The following CYB5R4 variants were observed in gnomAD, a reference collection of about 807,000 sequenced individuals.
CYB5R4 encodes the protein N-terminal cytochrome b5 and cytochrome b5 oxidoreductase domain-containing protein.
A neutral mutation model predicts 70.2 loss-of-function variants in CYB5R4; 55 were observed. The observed-to-expected ratio is 0.78, with a 90% CI of 0.63 to 0.98. The LOEUF (loss-of-function observed/expected upper bound fraction) is 0.98, where lower values mean the gene tolerates loss of function less well. Ranked by LOEUF, CYB5R4 falls within the 50% of genes least tolerant of loss-of-function variation. The pLI, the probability that CYB5R4 is intolerant of heterozygous loss-of-function variation, is 0.00. For missense variants in CYB5R4, 562 were observed against 612.6 expected, an observed-to-expected ratio of 0.92 and a Z score of 0.87; for synonymous variants, 197 against 199.5, an observed-to-expected ratio of 0.99 and a Z score of 0.11.
At chr6:83,955,247 A>C in intron 14 of CYB5R4, 51 bp from the exon 15 acceptor site, 4 of 1,394,548 alleles carry the variant, frequency 2.9e-6, no homozygotes, top group African/African-American at 1.5e-5. Flanking sequence ...AAACATGTTA[A>C]TAATATGTTT....
intron 3 of CYB5R4, among the ~76,000 whole-genome samples, chr6:83,895,874 G>C (rs2099461809): frequency 6.6e-6 from 1 of 152,144 alleles, no homozygotes; most frequent in African/African-American, 2.4e-5. Flanking sequence ...TTCAATATGA[G>C]AATTTACTTG....
At chr6:83,860,730 C>T (rs2099455800) in intron 1 of CYB5R4, among the ~76,000 whole-genome samples, 2 of 152,168 alleles carry the variant, frequency 1.3e-5, no homozygotes, top group Non-Finnish European at 1.5e-5. Flanking sequence ...TTTTTCTCCA[C>T]TTAGACCTGG....
chr6:83,922,616 TCTC>T (rs2099466568), intron 9 of CYB5R4, 146 bp downstream of exon 9: 1 of 606,224 alleles, frequency 1.6e-6, no homozygotes, highest in South Asian at 2.2e-5. Context: ...TGTGATGTTT[TCTC>T]TTTTTTTTTT....
intron 5 of CYB5R4, among the ~76,000 whole-genome samples, chr6:83,917,732 C>T (rs2099465729): frequency 6.6e-6 from 1 of 152,074 alleles, no homozygotes; most frequent in African/African-American, 2.4e-5. Flanking sequence ...CAGGCAAATA[C>T]TAACCATGGT....
At chr6:83,899,314 C>T (rs1271802170) in intron 3 of CYB5R4, among the ~76,000 whole-genome samples, 6 of 152,138 alleles carry the variant, frequency 3.9e-5, no homozygotes, top group Admixed American at 6.5e-5. Flanking sequence ...AGGGATGAAG[C>T]CGACTTGATC....
chr6:83,911,212 T>A (rs2099464626), intron 4 of CYB5R4, among the ~76,000 whole-genome samples: 1 of 151,824 alleles, frequency 6.6e-6, no homozygotes, highest in African/African-American at 2.4e-5. Flanking sequence ...TGAGACTAGC[T>A]TGGGCAATAT....
chr6:83,898,572 G>A (rs866207745), intron 3 of CYB5R4, among the ~76,000 whole-genome samples: 20 of 152,198 alleles, frequency 1.3e-4, no homozygotes, highest in East Asian at 3.9e-4. Flanking sequence ...CCATTTTCAC[G>A]ATATTGATTC....
chr6:83,949,982 A>G (rs760367955), intron 14 of CYB5R4, among the ~76,000 whole-genome samples: 1 of 152,152 alleles, frequency 6.6e-6, no homozygotes, highest in Non-Finnish European at 1.5e-5. Context: ...TGTAACATCT[A>G]TTATGTACCT....
intron 4 of CYB5R4, among the ~76,000 whole-genome samples, chr6:83,913,659 C>T (rs1318650741): frequency 6.6e-5 from 10 of 152,056 alleles, no homozygotes; most frequent in Non-Finnish European, 1.5e-4. Context: ...ATTTTAAATA[C>T]GTTAGTTTCT....
At chr6:83,913,167 A>G (rs1158290797) in intron 4 of CYB5R4, among the ~76,000 whole-genome samples, 2 of 152,178 alleles carry the variant, frequency 1.3e-5, no homozygotes, top group Non-Finnish European at 2.9e-5. Flanking sequence ...CTGCAACAGC[A>G]AAGACAGATA....
chr6:83,900,515 A>G (rs2099462741), intron 3 of CYB5R4, among the ~76,000 whole-genome samples: 1 of 151,836 alleles, frequency 6.6e-6, no homozygotes, highest in Non-Finnish European at 1.5e-5. Flanking sequence ...CAATTCCTGG[A>G]TTTCTTTGTT....
intron 2 of CYB5R4, among the ~76,000 whole-genome samples, chr6:83,870,651 G>A (rs2129128705): frequency 6.6e-6 from 1 of 151,996 alleles, no homozygotes; most frequent in South Asian, 2.1e-4. Context: ...ATTACAGTTA[G>A]TTCAACCATT....
In CYB5R4 at chr6:83,923,347, A is replaced by G. The variant is rs553310950; in HGVS notation, c.691+877A>G. On this transcript the variant is annotated intron_variant, in intron 9 of 15. Coordinates refer to ENST00000369681, the MANE Select transcript of CYB5R4 (RefSeq NM_016230.4). ...TTTCCTCTTTTCCGTATATCATTAT[A>G]GGCTCTGTAAATTGTATAAATCAGG... 5.3e-5 allele frequency among the ~76,000 whole-genome samples: 8 copies of G among 152,254 alleles called. No individual in the cohort carries two copies. In the East Asian group the frequency reaches 1.4e-3, roughly 26 times the overall value.
intron 14 of CYB5R4, among the ~76,000 whole-genome samples, chr6:83,942,538 A>G (rs1225979805): frequency 6.6e-6 from 1 of 152,098 alleles, no homozygotes; most frequent in Non-Finnish European, 1.5e-5. Context: ...TTGGGTGGCC[A>G]TTTGGGCAGA....
intron 2 of CYB5R4, among the ~76,000 whole-genome samples, chr6:83,877,637 G>T (rs1187934548): frequency 6.6e-6 from 1 of 151,142 alleles, no homozygotes; most frequent in African/African-American, 2.4e-5. Context: ...ACCCACAAAA[G>T]AGGGCATTAA....
intron 9 of CYB5R4, 145 bp downstream of exon 9, chr6:83,922,615 T>TTC (rs2099466567): frequency 3.3e-6 from 2 of 604,030 alleles, no homozygotes; most frequent in East Asian, 5.8e-5. Flanking sequence ...ATGTGATGTT[T>TTC]TCTCTTTTTT....
intron 15 of CYB5R4, 120 bp from the exon 16 acceptor site, chr6:83,959,704 A>T: frequency 2.4e-6 from 2 of 838,410 alleles, no homozygotes; most frequent in Non-Finnish European, 1.8e-6. Context: ...TTATTTAAAA[A>T]AAACTACATA....
At chr6:83,914,113 G>T (rs192485444) in intron 4 of CYB5R4, among the ~76,000 whole-genome samples, 2 of 152,162 alleles carry the variant, frequency 1.3e-5, no homozygotes, top group African/African-American at 4.8e-5. Flanking sequence ...GAAACTTGAC[G>T]TTTACATATG....
rs2099474186 is a variant in CYB5R4, at chr6:83,966,981, A to G, written c.*7103A>G. ...GCCTTTAGTTATCTAAACAAAAACT[A>G]ATTACTTAAAAGGGAAAGAAAATTA... is the stretch of plus-strand genomic sequence containing the variant. On this transcript the variant is annotated 3_prime_UTR_variant, in exon 16 of 16. Coordinates refer to ENST00000369681, the MANE Select transcript of CYB5R4 (RefSeq NM_016230.4). The G allele has an allele frequency of 6.6e-6, 1 of 152,208 alleles. No homozygotes were observed. Among genetic ancestry groups the G allele is most frequent in the African/African-American group, 2.4e-5 (1 of 41,450 alleles). 9.4% of individuals were successfully genotyped at this position (152,208 alleles called of 1,614,324 possible). A position where few individuals can be genotyped will look rare whatever the true frequency, so the allele number is the denominator to read the frequency against.
Sources: gnomAD v4.1 joint callset for allele counts (sites outside exome capture counted in the v4.1 genomes callset) on GRCh38, gnomAD v4.1.1 for gene constraint, MANE v1.5 for transcripts, NCBI Gene and HGNC (gene_info 2026-07-23, HGNC 2026-07-21) for gene names.